The following CEP162 variants were observed in gnomAD, a reference collection of about 807,000 sequenced individuals.
The protein encoded by CEP162 is centrosomal protein 162.
Under a neutral mutation model 169.2 loss-of-function variants are expected in CEP162, and 141 were observed. The observed-to-expected ratio is 0.83, with a 90% confidence interval of 0.73 to 0.96. The LOEUF (loss-of-function observed/expected upper bound fraction) is 0.96. Ranked by LOEUF, CEP162 falls within the 40% of genes least tolerant of loss-of-function variation. The probability of loss-of-function intolerance (pLI) is 0.00; values close to 1 mark genes in which losing one functional copy is unlikely to be tolerated. For synonymous variants in CEP162, 540 were observed against 526.4 expected, an observed-to-expected ratio of 1.03 and a Z score of -0.35; for missense variants, 1,600 against 1,587.2, an observed-to-expected ratio of 1.01 and a Z score of -0.14.
Position 84,160,831 on chromosome 6 carries a change from AT to A in CEP162, c.2761del (p.Ile921PhefsTer15). On this transcript the variant is annotated frameshift_variant, in exon 21 of 27. Coordinates refer to ENST00000403245, the MANE Select transcript of CEP162 (RefSeq NM_014895.4). LOFTEE classifies it high-confidence loss of function. The part of the protein sequence containing the change: ...LKDKAADAKK[I>X]QDLERQVKEM... ...ACATACTTGTCGCTCCAGATCCTGA[AT>A]TTTTTTGGCATCTGCTGCTTTATCT... The A allele has an allele frequency of 2.5e-6, 4 of 1,609,594 alleles. No homozygotes were observed. Among genetic ancestry groups the A allele is most frequent in the Non-Finnish European group, 3.4e-6 (4 of 1,176,244 alleles).
At chr6:84,185,474 T>C (rs1357221202) in intron 12 of CEP162, 26 bp from the exon 13 acceptor site, 14 of 1,574,870 alleles carry the variant, frequency 8.9e-6, no homozygotes, top group Non-Finnish European at 1.2e-5. Context: ...AAAAGCTCTT[T>C]AGTACCTAAA....
chr6:84,186,888 GACCAA>G (rs1254127119), intron 11 of CEP162, among the ~76,000 whole-genome samples: 1 of 152,090 alleles, frequency 6.6e-6, no homozygotes, highest in African/African-American at 2.4e-5. Context: ...TTTAGAGAAA[GACCAA>G]ACCAAACAAG....
chr6:84,223,112 C>G (rs2099554363), intron 2 of CEP162, among the ~76,000 whole-genome samples: 1 of 152,170 alleles, frequency 6.6e-6, no homozygotes, highest in Non-Finnish European at 1.5e-5. Flanking sequence ...ATGAAGACTT[C>G]TAATACATGA....
chr6:84,217,761 T>G (rs1272769715), intron 3 of CEP162: 1 of 152,176 alleles, frequency 6.6e-6, no homozygotes, highest in Non-Finnish European at 1.5e-5. Flanking sequence ...GTAGTTAATG[T>G]AGTCACCAAT....
intron 25 of CEP162, among the ~76,000 whole-genome samples, chr6:84,134,819 A>G (rs1375302539): frequency 6.6e-6 from 1 of 151,986 alleles, no homozygotes; most frequent in Non-Finnish European, 1.5e-5. Flanking sequence ...CCCCCCACAG[A>G]TTAAACTTTT....
At chr6:84,194,075 C>A (rs748521922) in intron 10 of CEP162, among the ~76,000 whole-genome samples, 10 of 152,082 alleles carry the variant, frequency 6.6e-5, no homozygotes, top group Non-Finnish European at 1.2e-4. Context: ...AGAAACTGGG[C>A]CAGGCGCAGT....
chr6:84,190,818 G>A (rs1226126437), intron 11 of CEP162, among the ~76,000 whole-genome samples: 1 of 152,148 alleles, frequency 6.6e-6, no homozygotes, highest in Non-Finnish European at 1.5e-5. Flanking sequence ...AGACACACTG[G>A]GACTACAGGC....
chr6:84,209,115 C>A (rs1477416350), intron 6 of CEP162, among the ~76,000 whole-genome samples: 2 of 152,156 alleles, frequency 1.3e-5, no homozygotes, highest in Non-Finnish European at 2.9e-5. Flanking sequence ...TGCTTAAGAG[C>A]ATGACCTGGA....
At chr6:84,127,351 C>G (rs2099509353) in intron 25 of CEP162, among the ~76,000 whole-genome samples, 1 of 152,040 alleles carries the variant, frequency 6.6e-6, no homozygotes, top group African/African-American at 2.4e-5. Context: ...CAGTATCTTA[C>G]CTACATTAGT....
chr6:84,208,635 T>G (rs2099548236), intron 6 of CEP162, among the ~76,000 whole-genome samples: 1 of 152,210 alleles, frequency 6.6e-6, no homozygotes, highest in Non-Finnish European at 1.5e-5. Context: ...TTTTAGTTCA[T>G]AAGAAATATG....
chr6:84,141,186 C>A (rs1480134993), intron 25 of CEP162, among the ~76,000 whole-genome samples: 1 of 152,008 alleles, frequency 6.6e-6, no homozygotes, highest in Non-Finnish European at 1.5e-5. Context: ...GGGTTGGGGA[C>A]CCCTGGTCTA....
intron 21 of CEP162, among the ~76,000 whole-genome samples, chr6:84,159,349 T>G (rs1320173129): frequency 6.7e-6 from 1 of 150,302 alleles, no homozygotes; most frequent in African/African-American, 2.4e-5. Flanking sequence ...CTACATAATT[T>G]CTCTTAAAAT....
chr6:84,158,734 G>C (rs1445526738), intron 21 of CEP162, among the ~76,000 whole-genome samples: 1 of 151,644 alleles, frequency 6.6e-6, no homozygotes, highest in Non-Finnish European at 1.5e-5. Context: ...AAGAGAACTA[G>C]GTTTTATAAA....
intron 21 of CEP162, among the ~76,000 whole-genome samples, chr6:84,158,612 C>T (rs1382217284): frequency 6.6e-6 from 1 of 152,072 alleles, no homozygotes. Flanking sequence ...AAATATTAGT[C>T]ATTTCTTTCA....
chr6:84,146,767 G>A lies in CEP162; in HGVS notation c.3790C>T (p.Gln1264Ter). The change falls in exon 25 of 27, where the codon CAA (glutamine) becomes TAA (stop). Residue 1264 changes from glutamine (Q) to a stop codon, truncating the protein, a stop_gained. Transcript: ENST00000403245. LOFTEE classifies it high-confidence loss of function. Reference protein sequence around the residue: ...ATQEVLIRHFQSQVNELQSKQ... With the variant: ...ATQEVLIRHF Reference sequence around the variant, plus strand: ...CTCTGCAGCTCATTAACTTGACTTTGGAAATGTCTTATAAGTACCTAGGAA... The same window carrying A: ...CTCTGCAGCTCATTAACTTGACTTTAGAAATGTCTTATAAGTACCTAGGAA... 1 of 1,565,826 alleles carries A rather than the reference G, an allele frequency of 6.4e-7. No homozygotes were observed. Among genetic ancestry groups the A allele is most frequent in the Non-Finnish European group, 8.7e-7 (1 of 1,150,296 alleles).
chr6:84,151,592 A>C (rs931706539), intron 23 of CEP162, among the ~76,000 whole-genome samples: 2 of 152,122 alleles, frequency 1.3e-5, no homozygotes, highest in African/African-American at 4.8e-5. Context: ...GGTTCACAGA[A>C]ACCGTAAGAA....
In CEP162 at chr6:84,159,355, A is replaced by G. The variant is rs1445461693; in HGVS notation, c.2781+1457T>C. ...GATTCAATTCTACATAATTTCTCTT[A>G]AAATAAGTTATCTAATAAAGAAGTA... On this transcript the variant is annotated intron_variant, in intron 21 of 26. Transcript: ENST00000403245. 6.7e-5 allele frequency among the ~76,000 whole-genome samples: 10 copies of G among 150,296 alleles called. No individual in the cohort carries two copies. The East Asian group carries it at 2.0e-3, about 29-fold the overall frequency.
intron 16 of CEP162, among the ~76,000 whole-genome samples, chr6:84,172,746 G>A (rs1427265666): frequency 6.6e-6 from 1 of 152,066 alleles, no homozygotes; most frequent in African/African-American, 2.4e-5. Flanking sequence ...TCATTGATGG[G>A]GCAATGCTTT....
intron 21 of CEP162, among the ~76,000 whole-genome samples, chr6:84,156,732 C>A (rs752530191): frequency 8.0e-6 from 1 of 125,592 alleles, no homozygotes; most frequent in East Asian, 2.0e-4. Flanking sequence ...GAAAATAAAT[C>A]GTATCAAAAA....
Sources: allele counts gnomAD v4.1 joint callset (sites outside exome capture counted in the v4.1 genomes callset), GRCh38; gene constraint gnomAD v4.1.1; transcripts MANE v1.5; gene names NCBI Gene and HGNC (gene_info 2026-07-23, HGNC 2026-07-21).